The following IL1RAPL1 variants were observed in gnomAD, a reference collection of about 807,000 sequenced individuals.
IL1RAPL1 encodes interleukin 1 receptor accessory protein like 1.
In IL1RAPL1, 3 loss-of-function variants were observed where a neutral mutation model predicts 48.4. That is an observed-to-expected ratio of 0.06 (90% CI 0.03 to 0.16). The LOEUF (loss-of-function observed/expected upper bound fraction) is 0.16, where lower values mean the gene tolerates loss of function less well. IL1RAPL1 is among the 10% of genes least tolerant of loss of function. IL1RAPL1 has a pLI of 1.00. For missense variants in IL1RAPL1, 349 were observed against 530.6 expected, an observed-to-expected ratio of 0.66 and a Z score of 3.36; for synonymous variants, 185 against 187.7, an observed-to-expected ratio of 0.99 and a Z score of 0.12.
chrX:29,381,833 A>AAAAAAAAT (rs1365599735), intron 3 of IL1RAPL1, among the ~76,000 whole-genome samples: 2 of 25,382 alleles, frequency 7.9e-5, no homozygotes, highest in Admixed American at 6.1e-4. Context: ...AAAAAAAAAA[A>AAAAAAAAT]ATATATATAT....
chrX:29,051,914 G>A (rs1034137986), intron 2 of IL1RAPL1, among the ~76,000 whole-genome samples: 2 of 111,721 alleles, frequency 1.8e-5, no homozygotes, highest in South Asian at 3.7e-4. Flanking sequence ...CTCTTTTAGC[G>A]GTGGCAAGCA....
intron 3 of IL1RAPL1, among the ~76,000 whole-genome samples, chrX:29,337,024 G>C (rs1250576087): frequency 9.0e-6 from 1 of 110,834 alleles, no homozygotes; most frequent in Non-Finnish European, 1.9e-5. Context: ...GAGAAGGTCT[G>C]ATAGACCTGC....
intron 2 of IL1RAPL1, among the ~76,000 whole-genome samples, chrX:29,211,685 A>G (rs1161534621): frequency 1.8e-5 from 2 of 111,849 alleles, no homozygotes; most frequent in East Asian, 5.6e-4. Flanking sequence ...ACCAAGGAGC[A>G]AAATGATGAG....
chrX:29,112,069 A>G (rs190659266), intron 2 of IL1RAPL1, among the ~76,000 whole-genome samples: 6 of 108,093 alleles, frequency 5.6e-5, no homozygotes, highest in East Asian at 2.9e-4. Context: ...AGCTGGGACT[A>G]CAGGCAGGCA....
chrX:29,761,603 G>A (rs1430442322), intron 6 of IL1RAPL1, among the ~76,000 whole-genome samples: 1 of 111,762 alleles, frequency 8.9e-6, no homozygotes, highest in African/African-American at 3.2e-5. Flanking sequence ...CATACTAATG[G>A]AATCTTTAGT....
intron 3 of IL1RAPL1, among the ~76,000 whole-genome samples, chrX:29,328,642 TAGAGAGAGAGAGAG>T (rs372684157): frequency 1.3e-3 from 131 of 103,994 alleles, no homozygotes; most frequent in African/African-American, 4.4e-3. Flanking sequence ...TATATATATA[TAGAGAGAGAGAGAG>T]AGAGAGAGAG....
intron 2 of IL1RAPL1, among the ~76,000 whole-genome samples, chrX:29,157,374 A>G (rs929803997): frequency 6.3e-5 from 7 of 111,858 alleles, no homozygotes; most frequent in Non-Finnish European, 9.4e-5. Flanking sequence ...GAAGTGCTGT[A>G]AAATATCCAA....
At chrX:29,540,116 G>A (rs1316430546) in intron 5 of IL1RAPL1, among the ~76,000 whole-genome samples, 1 of 111,735 alleles carries the variant, frequency 8.9e-6, no homozygotes, top group East Asian at 2.8e-4. Flanking sequence ...AAAATTAGTA[G>A]CATTTCTGTA....
At position 28,599,089 on chromosome X, in the gene IL1RAPL1, A is replaced by G. The variant is rs954698624; in HGVS notation, c.-25+11042A>G. 2.7e-5 allele frequency among the ~76,000 whole-genome samples: 3 copies of G among 109,357 alleles called. No individual in the cohort carries two copies. In the Admixed American group the frequency reaches 2.9e-4, roughly 11 times the overall value. 95.0% of individuals were successfully genotyped at this position (109,357 alleles called of 115,157 possible). ...AATCCCGTCTCTACTAAAAATACAA[A>G]AATTAGCTGGGCACATTGGCAGGTT... On this transcript the variant is annotated intron_variant, in intron 1 of 10. Coordinates refer to ENST00000378993, the MANE Select transcript of IL1RAPL1 (RefSeq NM_014271.4).
At chrX:29,299,783 C>T (rs992213826) in intron 3 of IL1RAPL1, among the ~76,000 whole-genome samples, 2 of 112,078 alleles carry the variant, frequency 1.8e-5, no homozygotes, top group Admixed American at 9.5e-5. Context: ...CAAGTGATAA[C>T]GGTTACTATG....
intron 5 of IL1RAPL1, among the ~76,000 whole-genome samples, chrX:29,542,771 G>A (rs1242367095): frequency 2.7e-5 from 3 of 111,989 alleles, no homozygotes; most frequent in Non-Finnish European, 3.8e-5. Flanking sequence ...ATGATTATCC[G>A]ATATTAAGAC....
intron 2 of IL1RAPL1, among the ~76,000 whole-genome samples, chrX:28,822,551 A>C (rs1473977691): frequency 9.0e-6 from 1 of 111,688 alleles, no homozygotes; most frequent in African/African-American, 3.3e-5. Context: ...GTCATCCTTA[A>C]ATTGTTCTTC....
chrX:29,079,870 A>G (rs747647051), intron 2 of IL1RAPL1, among the ~76,000 whole-genome samples: 1 of 111,408 alleles, frequency 9.0e-6, no homozygotes, highest in Admixed American at 9.5e-5. Context: ...CACTTAGAGC[A>G]TGTTCAGTAA....
At chrX:29,817,299 T>A (rs1271202705) in intron 6 of IL1RAPL1, among the ~76,000 whole-genome samples, 1 of 112,265 alleles carries the variant, frequency 8.9e-6, no homozygotes, top group Admixed American at 9.5e-5. Context: ...TGACAGCCTA[T>A]TGGCCTTGTA....
In IL1RAPL1 at chrX:28,930,788, C is replaced by T. The variant is rs374126371; in HGVS notation, c.82+141363C>T. Among the ~76,000 whole-genome samples the T allele has an allele frequency of 8.1e-5, 9 of 111,252 alleles. No homozygotes were observed. In the South Asian group the frequency reaches 1.9e-3, roughly 24 times the overall value. ...TCCCGAGTAGCTGGGACTACAGGCACCTGCCACCACGCCCGGCTAATTTTT... is the reference window on the plus strand; with the variant it reads ...TCCCGAGTAGCTGGGACTACAGGCATCTGCCACCACGCCCGGCTAATTTTT... On this transcript the variant is annotated intron_variant, in intron 2 of 10. Transcript: ENST00000378993.
intron 2 of IL1RAPL1, among the ~76,000 whole-genome samples, chrX:29,237,223 A>G (rs1931327319): frequency 8.9e-6 from 1 of 112,359 alleles, no homozygotes; most frequent in Non-Finnish European, 1.9e-5. Flanking sequence ...TTAATAAGCC[A>G]TCAGTAGCCC....
intron 5 of IL1RAPL1, among the ~76,000 whole-genome samples, chrX:29,471,737 C>T (rs1408950425): frequency 9.0e-6 from 1 of 111,197 alleles, no homozygotes; most frequent in Non-Finnish European, 1.9e-5. Flanking sequence ...CTGGCAAGCA[C>T]GAATCTACTT....
intron 5 of IL1RAPL1, among the ~76,000 whole-genome samples, chrX:29,478,414 T>A (rs149691748): frequency 0.033 from 3,681 of 111,487 alleles, 50 homozygotes; most frequent in Non-Finnish European, 0.05. Context: ...GCCTCTGTCA[T>A]CCTGTGGCTG....
At chrX:29,789,798 T>TTTTTTA (rs1491464024) in intron 6 of IL1RAPL1, among the ~76,000 whole-genome samples, 8 of 90,400 alleles carry the variant, frequency 8.8e-5, no homozygotes, top group African/African-American at 3.4e-4. Context: ...TTTTTTTTTT[T>TTTTTTA]ATCTCAAAGT....
Sources: gnomAD v4.1 joint callset for allele counts (sites outside exome capture counted in the v4.1 genomes callset) on GRCh38, gnomAD v4.1.1 for gene constraint, MANE v1.5 for transcripts, NCBI Gene and HGNC (gene_info 2026-07-23, HGNC 2026-07-21) for gene names.